Variants in LOC128092253 observed in about 807,000 individuals in gnomAD.
the LOC128092253 span, among the ~76,000 whole-genome samples, chr6:133,979,293 A>G: frequency 4.3e-4 from 65 of 152,356 alleles, 1 homozygote; most frequent in Admixed American, 2.9e-3. Context: ...AATGTTATTC[A>G]TATTTTTGCT....
At chr6:133,963,085 G>T in the LOC128092253 span, among the ~76,000 whole-genome samples, 2 of 152,202 alleles carry the variant, frequency 1.3e-5, no homozygotes, top group African/African-American at 2.4e-5. Context: ...GTAACATTTT[G>T]TACTGTGTAG....
chr6:133,965,282 C>T, the LOC128092253 span, among the ~76,000 whole-genome samples: 3 of 151,954 alleles, frequency 2.0e-5, no homozygotes, highest in Admixed American at 6.6e-5. Context: ...AATTATAGTC[C>T]GTAATATGGG....
At chr6:133,974,443 C>G in the LOC128092253 span, among the ~76,000 whole-genome samples, 1 of 152,212 alleles carries the variant, frequency 6.6e-6, no homozygotes, top group African/African-American at 2.4e-5. Flanking sequence ...AAGCAATTCT[C>G]CTTCCTCAGC....
the LOC128092253 span, among the ~76,000 whole-genome samples, chr6:133,958,813 C>G: frequency 2.0e-5 from 3 of 152,032 alleles, no homozygotes; most frequent in East Asian, 5.8e-4. Context: ...TTTAAATGTG[C>G]AGGGTAAAGT....
the LOC128092253 span, among the ~76,000 whole-genome samples, chr6:133,961,562 G>A: frequency 4.2e-5 from 6 of 144,028 alleles, no homozygotes; most frequent in African/African-American, 7.7e-5. Context: ...TCCGCCTCCC[G>A]AGTTCAAGCA....
chr6:133,973,123 T>C, the LOC128092253 span, among the ~76,000 whole-genome samples: 1 of 152,214 alleles, frequency 6.6e-6, no homozygotes, highest in Non-Finnish European at 1.5e-5. Context: ...TGTGTTGGGA[T>C]TGGGACACAA....
chr6:133,976,272 T>C, the LOC128092253 span, among the ~76,000 whole-genome samples: 7 of 152,162 alleles, frequency 4.6e-5, no homozygotes, highest in African/African-American at 7.2e-5. Context: ...TTAATATAGT[T>C]AAGAGTTTGA....
the LOC128092253 span, among the ~76,000 whole-genome samples, chr6:133,953,638 G>A: frequency 6.6e-6 from 1 of 152,132 alleles, no homozygotes; most frequent in Non-Finnish European, 1.5e-5. Flanking sequence ...AGAGGACCGG[G>A]CGATATTTGG....
At chr6:133,978,303 A>G in the LOC128092253 span, among the ~76,000 whole-genome samples, 1 of 152,222 alleles carries the variant, frequency 6.6e-6, no homozygotes, top group Non-Finnish European at 1.5e-5. Context: ...CTAGATATAT[A>G]TGCTAAGTAC....
chr6:133,976,755 C>T, the LOC128092253 span, among the ~76,000 whole-genome samples: 3 of 151,944 alleles, frequency 2.0e-5, no homozygotes, highest in Non-Finnish European at 2.9e-5. Flanking sequence ...TTTGGGAGGC[C>T]GAGGCAGTGG....
At chr6:133,966,969 G>T in the LOC128092253 span, among the ~76,000 whole-genome samples, 1 of 152,046 alleles carries the variant, frequency 6.6e-6, no homozygotes, top group Non-Finnish European at 1.5e-5. Context: ...TTCTTTTTTA[G>T]CTAACCACTA....
At chr6:133,968,902 C>G in the LOC128092253 span, 2 of 152,146 alleles carry the variant, frequency 1.3e-5, no homozygotes, top group African/African-American at 4.8e-5. Context: ...CTCAAATGAT[C>G]CACCCATCTT....
At chr6:133,976,041 T>TA in the LOC128092253 span, among the ~76,000 whole-genome samples, 3 of 152,286 alleles carry the variant, frequency 2.0e-5, no homozygotes, top group Non-Finnish European at 2.9e-5. Flanking sequence ...TACAACCAGT[T>TA]AAAAAAATCA....
chr6:133,974,041 C>G, the LOC128092253 span, among the ~76,000 whole-genome samples: 5 of 146,616 alleles, frequency 3.4e-5, no homozygotes, highest in Non-Finnish European at 6.0e-5. Context: ...TGTGCCAATT[C>G]TCTGAATAGA....
chr6:133,976,717 C>T, the LOC128092253 span, among the ~76,000 whole-genome samples: 90 of 152,176 alleles, frequency 5.9e-4, no homozygotes, highest in African/African-American at 2.0e-3. Context: ...CGGCCTGGCG[C>T]GGTGGCCCAC....
chr6:133,958,755 T>A, the LOC128092253 span, among the ~76,000 whole-genome samples: 1 of 152,230 alleles, frequency 6.6e-6, no homozygotes, highest in Non-Finnish European at 1.5e-5. Flanking sequence ...TTATAAAATA[T>A]ATACTATAGA....
the LOC128092253 span, among the ~76,000 whole-genome samples, chr6:133,967,476 T>G: frequency 6.6e-6 from 1 of 152,224 alleles, no homozygotes; most frequent in Non-Finnish European, 1.5e-5. Flanking sequence ...ATGCATCGCT[T>G]AATGACAAGG....
At chr6:133,957,649 C>T in the LOC128092253 span, among the ~76,000 whole-genome samples, 1 of 152,150 alleles carries the variant, frequency 6.6e-6, no homozygotes, top group Non-Finnish European at 1.5e-5. Context: ...TTAAAGAGTA[C>T]GGACTCTGGA....
At chr6:133,965,155 C>T in the LOC128092253 span, among the ~76,000 whole-genome samples, 1 of 152,272 alleles carries the variant, frequency 6.6e-6, no homozygotes, top group Admixed American at 6.5e-5. Flanking sequence ...AAAAATTATG[C>T]TGTTTTGTTA....
Sources: gnomAD v4.1 joint callset for allele counts (sites outside exome capture counted in the v4.1 genomes callset) on GRCh38, gnomAD v4.1.1 for gene constraint, MANE v1.5 for transcripts.